Variants in RANBP2 observed in about 807,000 individuals in gnomAD.
RANBP2 encodes RAN binding protein 2, also known as E3 SUMO-protein ligase RanBP2.
RANBP2 carries 57 observed loss-of-function variants against 303.6 expected under a neutral mutation model. That is an observed-to-expected ratio of 0.19 (90% CI 0.15 to 0.23). The LOEUF is 0.23. Among genes scored for constraint, RANBP2 ranks in the 10% least tolerant of loss-of-function variants. RANBP2 has a pLI of 1.00. For synonymous variants in RANBP2, 1,167 were observed against 1,301.5 expected, an observed-to-expected ratio of 0.90 and a Z score of 2.23; for missense variants, 3,138 against 3,780.8, an observed-to-expected ratio of 0.83 and a Z score of 4.46.
the RANBP2 span, among the ~76,000 whole-genome samples, chr2:109,029,848 G>A: frequency 0.036 from 5,548 of 152,334 alleles, 167 homozygotes; most frequent in Non-Finnish European, 0.057. Context: ...AATGGATGCA[G>A]ACATCCTTAG....
At chr2:109,193,566 A>G in the RANBP2 span, among the ~76,000 whole-genome samples, 8 of 151,976 alleles carry the variant, frequency 5.3e-5, no homozygotes, top group Admixed American at 5.2e-4. Flanking sequence ...AAGCTCACCC[A>G]TGTGGTATGT....
chr2:109,318,983 A>G, the RANBP2 span, among the ~76,000 whole-genome samples: 2 of 152,246 alleles, frequency 1.3e-5, no homozygotes, highest in Non-Finnish European at 2.9e-5. Context: ...TGTCTGTCCC[A>G]GAACAGATCA....
At chr2:109,105,628 C>A in the RANBP2 span, among the ~76,000 whole-genome samples, 2 of 152,206 alleles carry the variant, frequency 1.3e-5, no homozygotes, top group Non-Finnish European at 2.9e-5. Flanking sequence ...AATCTCAGCT[C>A]ACTGCAACCT....
the RANBP2 span, among the ~76,000 whole-genome samples, chr2:109,227,305 A>G: frequency 6.6e-6 from 1 of 152,210 alleles, no homozygotes; most frequent in Non-Finnish European, 1.5e-5. Context: ...TCAGGCACAC[A>G]AAGCTACACG....
chr2:108,763,858 T>C lies in RANBP2; in HGVS notation c.3319T>C (p.Ser1107Pro). The C allele has an allele frequency of 2.5e-6, 4 of 1,614,054 alleles. No homozygotes were observed. The highest frequency in any genetic ancestry group is 2.5e-6 in the Non-Finnish European group (3 of 1,179,990). ...ATTCAATTTTGGAAGCAAAAATGTG[T>C]CTGGAATTTCATTTACAGAAAACAT... ...NTFNFGSKNV[S>P]GISFTENMGS... The change falls in exon 20 of 29, where the codon TCT (serine) becomes CCT (proline). Residue 1107 changes from serine to proline, a missense_variant. Ser to Pro is a moderately conservative substitution (Grantham distance 74, BLOSUM62 -1). This residue lies in a region of RANBP2 where 403 missense variants were observed against 376.7 expected (regional missense o/e 1.07). Transcript: ENST00000283195.
the RANBP2 span, among the ~76,000 whole-genome samples, chr2:109,719,922 T>A: frequency 6.6e-6 from 1 of 152,152 alleles, no homozygotes; most frequent in Non-Finnish European, 1.5e-5. Flanking sequence ...AACATTTATG[T>A]AGATTGAAAT....
At chr2:109,513,888 A>G in the RANBP2 span, among the ~76,000 whole-genome samples, 1 of 149,650 alleles carries the variant, frequency 6.7e-6, no homozygotes, top group Non-Finnish European at 1.5e-5. Context: ...CACTTCAGCT[A>G]CCCCAGGGGG....
chr2:109,672,066 C>G, the RANBP2 span, among the ~76,000 whole-genome samples: 5 of 152,074 alleles, frequency 3.3e-5, no homozygotes, highest in Admixed American at 1.3e-4. Context: ...AAGCAACAAA[C>G]CAAAACTGAG....
chr2:109,132,537 C>T, the RANBP2 span, among the ~76,000 whole-genome samples: 2 of 152,150 alleles, frequency 1.3e-5, no homozygotes, highest in South Asian at 2.1e-4. Context: ...AGTCAGTTAA[C>T]GATGCTGCCC....
the RANBP2 span, among the ~76,000 whole-genome samples, chr2:109,511,978 G>A: frequency 6.6e-6 from 1 of 152,160 alleles, no homozygotes; most frequent in Admixed American, 6.5e-5. Context: ...TGGTGTTGCT[G>A]CCCAGAGGAC....
the RANBP2 span, among the ~76,000 whole-genome samples, chr2:109,299,246 CCT>C: frequency 6.6e-6 from 1 of 152,244 alleles, no homozygotes; most frequent in South Asian, 2.1e-4. Flanking sequence ...CTCCAAAGGA[CCT>C]CTCACTCTTT....
the RANBP2 span, among the ~76,000 whole-genome samples, chr2:109,630,474 T>G: frequency 6.6e-6 from 1 of 152,202 alleles, no homozygotes; most frequent in Non-Finnish European, 1.5e-5. Context: ...ATACTGTCCA[T>G]TCTGCCCTGC....
chr2:108,774,651 CTCT>C (rs1677749235), intron 23 of RANBP2, among the ~76,000 whole-genome samples: 2 of 150,240 alleles, frequency 1.3e-5, no homozygotes, highest in African/African-American at 2.4e-5. Flanking sequence ...CTATTGATTT[CTCT>C]TCTTTATTAT....
chr2:109,357,099 C>T, the RANBP2 span, among the ~76,000 whole-genome samples: 1 of 150,602 alleles, frequency 6.6e-6, no homozygotes, highest in African/African-American at 2.4e-5. Flanking sequence ...ATATTTAATA[C>T]TTATACATAA....
chr2:109,094,258 A>T, the RANBP2 span, among the ~76,000 whole-genome samples: 1 of 152,180 alleles, frequency 6.6e-6, no homozygotes, highest in South Asian at 2.1e-4. Flanking sequence ...GCCTTGAAAC[A>T]AAATGCATGA....
At chr2:109,117,043 T>TG in the RANBP2 span, among the ~76,000 whole-genome samples, 3 of 152,154 alleles carry the variant, frequency 2.0e-5, no homozygotes, top group African/African-American at 4.8e-5. Context: ...CTGCCCCTAC[T>TG]GGGGGGTCCC....
chr2:109,254,342 C>T, the RANBP2 span, among the ~76,000 whole-genome samples: 2 of 152,120 alleles, frequency 1.3e-5, no homozygotes, highest in South Asian at 4.1e-4. Context: ...CTGTATAATC[C>T]TGTGCAAGTT....
At chr2:109,326,725 T>TA in the RANBP2 span, among the ~76,000 whole-genome samples, 58 of 152,266 alleles carry the variant, frequency 3.8e-4, 3 homozygotes, top group Non-Finnish European at 2.9e-5. Context: ...GGGTAGTTCT[T>TA]ACCTGGTGTT....
chr2:109,135,467 A>G, the RANBP2 span, among the ~76,000 whole-genome samples: 1 of 152,200 alleles, frequency 6.6e-6, no homozygotes, highest in Non-Finnish European at 1.5e-5. Flanking sequence ...CTTCTTAGAT[A>G]AATAGGATAA....
Sources: gnomAD v4.1 joint callset for allele counts (sites outside exome capture counted in the v4.1 genomes callset) on GRCh38, gnomAD v4.1.1 for gene constraint, gnomAD v4.1.1 regional missense constraint, MANE v1.5 for transcripts, NCBI Gene and HGNC (gene_info 2026-07-23, HGNC 2026-07-21) for gene names.